The following RABL2B variants were observed in gnomAD, a reference collection of about 807,000 sequenced individuals.
RABL2B encodes RAB, member of RAS oncogene family like 2B.
RABL2B carries 17 observed loss-of-function variants against 26.7 expected under a neutral mutation model. The ratio of observed to expected loss-of-function variants is 0.64; its 90% CI spans 0.44 to 0.95. The LOEUF (loss-of-function observed/expected upper bound fraction) is 0.95. Among genes scored for constraint, RABL2B ranks in the 40% least tolerant of loss-of-function variants. The pLI is 0.00. For missense variants in RABL2B, 170 were observed against 277.2 expected (o/e 0.61, Z 2.75); for synonymous variants, 70 against 103.9 (o/e 0.67, Z 1.99).
intron 5 of RABL2B, chr22:50,773,181 A>C (rs1439765947): frequency 2.4e-6 from 3 of 1,247,824 alleles, no homozygotes; most frequent in African/African-American, 1.6e-5. Context: ...ACTGGCTAGG[A>C]CCAAGCTCCT....
intron 4 of RABL2B, 42 bp downstream of exon 4, chr22:50,776,628 T>G (rs375790263): frequency 1.3e-4 from 209 of 1,572,096 alleles, no homozygotes; most frequent in Non-Finnish European, 1.7e-4. Flanking sequence ...TCCCATTTCC[T>G]CTTTCCTGAG....
chr22:50,774,846 C>T lies in RABL2B; in HGVS notation c.297+926G>A, dbSNP rs146806195. The stretch of plus-strand genomic sequence containing the variant: ...AGGCTGGAGTGCAATGGTGTGATCT[C>T]GGCTCACTGCAACCTCTGCCTCCTG... On this transcript the variant is annotated intron_variant, in intron 5 of 8. Coordinates refer to ENST00000691320, the MANE Select transcript of RABL2B (RefSeq NM_001130919.3). 3.8e-3 allele frequency among the ~76,000 whole-genome samples: 569 copies of T among 151,152 alleles called. 19 individuals carry two copies. In the East Asian group the frequency reaches 0.087, roughly 23 times the overall value.
chr22:50,774,076 T>C (rs1372423023), intron 5 of RABL2B, among the ~76,000 whole-genome samples: 4 of 152,110 alleles, frequency 2.6e-5, no homozygotes, highest in South Asian at 4.1e-4. Context: ...TTTGTATTTT[T>C]AGTAGAGACG....
Position 50,776,524 on chromosome 22 carries a change from C to T in RABL2B, c.217+146G>A, listed in dbSNP as rs1285946393. 2.4e-6 allele frequency: 3 copies of T among 1,256,442 alleles called. No homozygotes were observed. In the African/African-American group the frequency reaches 4.5e-5, roughly 19 times the overall value. The allele number at this position is 1,256,442 out of a possible 1,614,324, so 77.8% of individuals were successfully genotyped here. On this transcript the variant is annotated intron_variant, in intron 4 of 8. Transcript: ENST00000691320. ...TTCCACCCTCCTGGCTCCTGGCTCT[C>T]TGGGTTCTCTCTAGCACCCCTTGTC...
chr22:50,773,902 AT>A (rs370565257), intron 5 of RABL2B, among the ~76,000 whole-genome samples: 2 of 149,754 alleles, frequency 1.3e-5, no homozygotes, highest in Non-Finnish European at 1.5e-5. Context: ...GGCAGACTTT[AT>A]TTTTTTTTTG....
rs1191295194 is a variant in RABL2B, at chr22:50,782,446, A to G, written c.-53-99T>C. On this transcript the variant is annotated intron_variant, in intron 1 of 8. Coordinates refer to ENST00000691320, the MANE Select transcript of RABL2B (RefSeq NM_001130919.3). ...TCCAGACTGCTTCCCTCAGTGCCAG[A>G]CTGAGATATGGTATGCAATTGACTA... 2.0e-6 allele frequency: 3 copies of G among 1,506,862 alleles called. No individual in the cohort carries two copies. The African/African-American group carries it at 4.2e-5, about 21-fold the overall frequency. The allele number at this position is 1,506,862 out of a possible 1,614,324, so 93.3% of individuals were successfully genotyped here. A position where few individuals can be genotyped will look rare whatever the true frequency, so the allele number is the denominator to read the frequency against.
chr22:50,771,417 C>T (rs1325333811), intron 5 of RABL2B: 1 of 151,274 alleles, frequency 6.6e-6, no homozygotes, highest in African/African-American at 2.5e-5. Flanking sequence ...GCTGGGATTA[C>T]AGGTGCGCAC....
At chr22:50,774,043 C>CG (rs2084593740) in intron 5 of RABL2B, among the ~76,000 whole-genome samples, 1 of 152,114 alleles carries the variant, frequency 6.6e-6, no homozygotes, top group Non-Finnish European at 1.5e-5. Flanking sequence ...TACAGGCGCC[C>CG]GCTACCACGC....
At chr22:50,780,947 AG>A (rs1555928302) in intron 2 of RABL2B, among the ~76,000 whole-genome samples, 2 of 152,158 alleles carry the variant, frequency 1.3e-5, no homozygotes, top group African/African-American at 2.4e-5. Flanking sequence ...GTGGGGATAA[AG>A]GGGGTGTTAT....
chr22:50,778,156 C>T (rs1225817052), intron 2 of RABL2B, among the ~76,000 whole-genome samples, 175 bp from the exon 3 acceptor site: 5 of 151,924 alleles, frequency 3.3e-5, no homozygotes, highest in Non-Finnish European at 5.9e-5. Flanking sequence ...GCATTACCAA[C>T]CCGTCATAAC....
Position 50,768,875 on chromosome 22 carries a change from C to G in RABL2B, c.592-1G>C. On this transcript the variant is annotated splice_acceptor_variant, in intron 8 of 8. Transcript: ENST00000691320. LOFTEE classifies it high-confidence loss of function. Reference sequence around the variant, plus strand: ...CCTCTTCCTGCTCCAAGCTGAAGTTCTGTGAACAAGGTCGCAGGTGAGGCC... The same window carrying G: ...CCTCTTCCTGCTCCAAGCTGAAGTTGTGTGAACAAGGTCGCAGGTGAGGCC... The G allele has an allele frequency of 6.2e-7, 1 of 1,612,018 alleles. No individual in the cohort carries two copies. The highest frequency in any genetic ancestry group is 1.1e-5 in the South Asian group (1 of 90,926).
chr22:50,780,397 C>CTTT (rs149044797), intron 2 of RABL2B, among the ~76,000 whole-genome samples: 41 of 122,216 alleles, frequency 3.4e-4, no homozygotes, highest in Non-Finnish European at 3.7e-4. Context: ...CAAGTGTTAA[C>CTTT]TTTTTTTTTT....
intron 7 of RABL2B, 29 bp downstream of exon 7, chr22:50,769,426 T>C (rs782277299): frequency 5.0e-6 from 8 of 1,610,728 alleles, no homozygotes; most frequent in Non-Finnish European, 5.9e-6. Flanking sequence ...CGCCCTGACC[T>C]TGCTAGCTAC....
chr22:50,777,788 T>G, intron 3 of RABL2B, 164 bp downstream of exon 3: 2 of 1,002,324 alleles, frequency 2.0e-6, no homozygotes, highest in Non-Finnish European at 3.1e-6. Context: ...TGCAATGCCA[T>G]GTGGGTCAAT....
intron 2 of RABL2B, among the ~76,000 whole-genome samples, chr22:50,779,468 G>A (rs1474872435): frequency 4.6e-5 from 7 of 151,928 alleles, no homozygotes; most frequent in Non-Finnish European, 5.9e-5. Context: ...GAGTCACATG[G>A]TGTGACTTTT....
chr22:50,775,851 T>C lies in RABL2B; in HGVS notation c.218A>G (p.Asp73Gly), dbSNP rs782450742. 6.2e-7 allele frequency: 1 copy of C among 1,614,144 alleles called. No individual in the cohort carries two copies. Residue 73 changes from aspartate to glycine, a missense_variant and splice_region_variant, in exon 5 of 9, where the codon GAC becomes GGC. Physicochemically the swap from Asp to Gly is moderately conservative, Grantham distance 94 (BLOSUM62 -1). This residue lies in a region of RABL2B where 165 missense variants were observed against 232.0 expected (regional missense o/e 0.71). Transcript: ENST00000691320. ...ATVDGRTILV[D>G]FWDTAGQERF... Reference sequence around the variant, plus strand: ...CTCCTGGCCTGCCGTGTCCCAAAAGTCTGCAATGTGAACACAGACAGACCT... The same window carrying C: ...CTCCTGGCCTGCCGTGTCCCAAAAGCCTGCAATGTGAACACAGACAGACCT...
rs1207590654 is a variant in RABL2B at position 50,783,581 on chromosome 22, C to G, written c.-134G>C. 1 of 152,664 alleles carries G rather than the reference C, an allele frequency of 6.6e-6. No homozygotes were observed. Among genetic ancestry groups the G allele is most frequent in the Non-Finnish European group, 1.5e-5 (1 of 68,374 alleles). 9.5% of individuals were successfully genotyped at this position (152,664 alleles called of 1,614,324 possible). ...GGCCCTGCCGCCAGTCTGGACTCTGCGCGCTCTCGAACCACGCCCGCCGGC... is the reference window on the plus strand; with the variant it reads ...GGCCCTGCCGCCAGTCTGGACTCTGGGCGCTCTCGAACCACGCCCGCCGGC... On this transcript the variant is annotated 5_prime_UTR_variant, in exon 1 of 9. Coordinates refer to ENST00000691320, the MANE Select transcript of RABL2B (RefSeq NM_001130919.3).
chr22:50,772,180 C>T, intron 5 of RABL2B: 1 of 240,402 alleles, frequency 4.2e-6, no homozygotes, highest in South Asian at 1.5e-4. Flanking sequence ...AGGTGCGCAC[C>T]ACCACGCCTG....
rs1555917987 is a variant in RABL2B, at chr22:50,770,924, T to C, written c.298-908A>G. Among the ~76,000 whole-genome samples the C allele has an allele frequency of 2.0e-5, 3 of 148,470 alleles. 1 individual carries two copies. Among genetic ancestry groups the C allele is most frequent in the Admixed American group, 6.7e-5 (1 of 15,022 alleles). Reference sequence around the variant, plus strand: ...TTATTTTTTTATTTTTTTTTTTTTGTAGAGGCAGGCTCTCCCTATGTTACC... The same window carrying C: ...TTATTTTTTTATTTTTTTTTTTTTGCAGAGGCAGGCTCTCCCTATGTTACC... On this transcript the variant is annotated intron_variant, in intron 5 of 8. Coordinates refer to ENST00000691320, the MANE Select transcript of RABL2B (RefSeq NM_001130919.3).
Sources: allele counts gnomAD v4.1 joint callset (sites outside exome capture counted in the v4.1 genomes callset), GRCh38; gene constraint gnomAD v4.1.1; regional missense constraint gnomAD v4.1.1; transcripts MANE v1.5; gene names NCBI Gene and HGNC (gene_info 2026-07-23, HGNC 2026-07-21).